Variants in ADAM10 observed in about 807,000 individuals in gnomAD.
The protein encoded by ADAM10 is disintegrin and metalloproteinase domain-containing protein 10.
Under a neutral mutation model 90.1 loss-of-function variants are expected in ADAM10, and 17 were observed. The observed-to-expected ratio is 0.19, with a 90% CI of 0.13 to 0.28. The LOEUF (loss-of-function observed/expected upper bound fraction) is 0.28, where lower values mean the gene tolerates loss of function less well. ADAM10 is among the 10% of genes least tolerant of loss of function. The pLI, the probability that ADAM10 is intolerant of heterozygous loss-of-function variation, is 1.00. For missense variants in ADAM10, 610 were observed against 914.3 expected (o/e 0.67, Z 4.29); for synonymous variants, 310 against 298.6 (o/e 1.04, Z -0.40).
At chr15:58,612,835 G>A (rs1353913836) in intron 11 of ADAM10, among the ~76,000 whole-genome samples, 2 of 152,172 alleles carry the variant, frequency 1.3e-5, no homozygotes, top group Non-Finnish European at 2.9e-5. Context: ...GTAACCCAGA[G>A]TCACAGATCC....
rs1170880712 is a variant in ADAM10 at position 58,624,907 on chromosome 15, T to TG, written c.1360+2792dup. Among the ~76,000 whole-genome samples, 8 of 152,318 alleles carry TG rather than the reference T, an allele frequency of 5.3e-5. No individual in the cohort carries two copies. The South Asian group carries it at 1.0e-3, about 20-fold the overall frequency. On this transcript the variant is annotated intron_variant, in intron 10 of 15. Transcript: ENST00000260408. ...TAATTTAAGAAAAAATTTTCTTTCCTGTTAATACCTACAAAGCAATATGTA... is the reference window on the plus strand; with the variant it reads ...TAATTTAAGAAAAAATTTTCTTTCCTGGTTAATACCTACAAAGCAATATGTA...
Position 58,640,733 on chromosome 15 carries a change from T to C in ADAM10, c.1012+44A>G, listed in dbSNP as rs7165402. The C allele has an allele frequency of 0.18, 275,912 of 1,574,700 alleles. 29,632 individuals carry two copies. The highest frequency in any genetic ancestry group is 0.43 in the East Asian group (19,166 of 44,124). On this transcript the variant is annotated intron_variant, in intron 8 of 15. Coordinates refer to ENST00000260408, the MANE Select transcript of ADAM10 (RefSeq NM_001110.4). ...TCAACATTCTCTGAAAACTCCCCTT[T>C]GTTTCAAGTAGTAAGTTAAGACATA...
intron 10 of ADAM10, among the ~76,000 whole-genome samples, chr15:58,626,509 A>T (rs549130118): frequency 6.6e-6 from 1 of 152,090 alleles, no homozygotes; most frequent in Non-Finnish European, 1.5e-5. Context: ...CACACACACA[A>T]AAAAACCCTA....
chr15:58,747,131 T>C (rs1000316855), intron 1 of ADAM10, among the ~76,000 whole-genome samples: 12 of 152,210 alleles, frequency 7.9e-5, no homozygotes, highest in African/African-American at 2.7e-4. Context: ...GAAATGCCTT[T>C]TGTGCTCTCA....
intron 1 of ADAM10, among the ~76,000 whole-genome samples, chr15:58,727,529 G>GTTT (rs1899080944): frequency 6.6e-6 from 1 of 151,994 alleles, no homozygotes; most frequent in African/African-American, 2.4e-5. Context: ...ATGGGGACTC[G>GTTT]CTATGTTGTC....
intron 4 of ADAM10, among the ~76,000 whole-genome samples, chr15:58,670,312 T>C (rs1897165544): frequency 1.3e-5 from 2 of 152,098 alleles, no homozygotes; most frequent in Admixed American, 1.3e-4. Flanking sequence ...AGAGTATAAA[T>C]CTGTGTAACC....
intron 2 of ADAM10, among the ~76,000 whole-genome samples, chr15:58,705,886 T>C (rs1316596989): frequency 6.6e-6 from 1 of 152,212 alleles, no homozygotes; most frequent in African/African-American, 2.4e-5. Flanking sequence ...TTGTTCTCTT[T>C]TGTTATTTGT....
At chr15:58,631,915 T>A (rs1484528190) in intron 9 of ADAM10, among the ~76,000 whole-genome samples, 1 of 152,200 alleles carries the variant, frequency 6.6e-6, no homozygotes, top group African/African-American at 2.4e-5. Context: ...CTGATTGGGA[T>A]GTAGAAGAAG....
chr15:58,644,204 C>A (rs1293025881), intron 6 of ADAM10, among the ~76,000 whole-genome samples: 2 of 150,836 alleles, frequency 1.3e-5, no homozygotes, highest in East Asian at 3.9e-4. Flanking sequence ...AACATGCATA[C>A]TTCTTTGCGG....
intron 11 of ADAM10, among the ~76,000 whole-genome samples, chr15:58,616,429 T>C (rs1240187978): frequency 6.6e-6 from 1 of 152,184 alleles, no homozygotes; most frequent in Non-Finnish European, 1.5e-5. Context: ...TCATATCAAG[T>C]ATCTCTTCTG....
At chr15:58,663,784 T>C in intron 5 of ADAM10, among the ~76,000 whole-genome samples, 1 of 152,250 alleles carries the variant, frequency 6.6e-6, no homozygotes, top group East Asian at 1.9e-4. Flanking sequence ...GTTACATTTA[T>C]TCTATAATAT....
chr15:58,626,507 C>A (rs543214308), intron 10 of ADAM10, among the ~76,000 whole-genome samples: 61 of 151,898 alleles, frequency 4.0e-4, no homozygotes, highest in East Asian at 2.3e-3. Context: ...CACACACACA[C>A]AAAAAAACCC....
chr15:58,740,747 A>G (rs1248059692), intron 1 of ADAM10, among the ~76,000 whole-genome samples: 2 of 152,194 alleles, frequency 1.3e-5, no homozygotes, highest in Non-Finnish European at 2.9e-5. Context: ...AGAACTACAC[A>G]AATACTATAA....
At chr15:58,641,782 C>A (rs1252725358) in intron 7 of ADAM10, among the ~76,000 whole-genome samples, 3 of 152,116 alleles carry the variant, frequency 2.0e-5, no homozygotes, top group Admixed American at 6.5e-5. Context: ...CAAGGAATTA[C>A]AATATGAAAG....
At chr15:58,731,992 G>T (rs1354107094) in intron 1 of ADAM10, among the ~76,000 whole-genome samples, 1 of 152,206 alleles carries the variant, frequency 6.6e-6, no homozygotes, top group Non-Finnish European at 1.5e-5. Flanking sequence ...AGAAGGAAAA[G>T]AGCCTGGTGT....
intron 2 of ADAM10, among the ~76,000 whole-genome samples, chr15:58,696,228 A>G (rs1489211305): frequency 6.6e-6 from 1 of 151,934 alleles, no homozygotes; most frequent in Non-Finnish European, 1.5e-5. Flanking sequence ...CAGAGGTTGC[A>G]GTGGGCCAAG....
At chr15:58,683,688 C>CCT (rs1249197534) in intron 2 of ADAM10, among the ~76,000 whole-genome samples, 1 of 151,674 alleles carries the variant, frequency 6.6e-6, no homozygotes, top group Non-Finnish European at 1.5e-5. Flanking sequence ...ACAGCAAAAC[C>CCT]GTCTCTACTA....
chr15:58,683,424 T>C (rs1459865265), intron 2 of ADAM10, among the ~76,000 whole-genome samples: 2 of 152,206 alleles, frequency 1.3e-5, no homozygotes, highest in Non-Finnish European at 2.9e-5. Flanking sequence ...ACAATCTCTA[T>C]GGTGGGAAAA....
intron 7 of ADAM10, among the ~76,000 whole-genome samples, chr15:58,642,255 C>T (rs921827703): frequency 7.2e-5 from 11 of 152,140 alleles, no homozygotes; most frequent in Admixed American, 1.3e-4. Flanking sequence ...CACCTGAGGT[C>T]AGGAGTTCAA....
Sources: gnomAD v4.1 joint callset for allele counts (sites outside exome capture counted in the v4.1 genomes callset) on GRCh38, gnomAD v4.1.1 for gene constraint, MANE v1.5 for transcripts, NCBI Gene and HGNC (gene_info 2026-07-23, HGNC 2026-07-21) for gene names.